PDIA6: variants seen among roughly 807,000 people sequenced by gnomAD.
PDIA6 encodes protein disulfide-isomerase A6.
Under a neutral mutation model 58.4 loss-of-function variants are expected in PDIA6, and 29 were observed. That is an observed-to-expected ratio of 0.50 (90% CI 0.37 to 0.68). The LOEUF is 0.68. PDIA6 is among the 30% of genes least tolerant of loss of function. The probability of loss-of-function intolerance (pLI) is 0.00; values close to 1 mark genes in which losing one functional copy is unlikely to be tolerated. For synonymous variants in PDIA6, 192 were observed against 202.6 expected (o/e 0.95, Z 0.44); for missense variants, 480 against 551.0 (o/e 0.87, Z 1.29).
At chr2:10,784,472 G>A (rs1273792869) in intron 12 of PDIA6, 146 bp from the exon 13 acceptor site, 4 of 589,730 alleles carry the variant, frequency 6.8e-6, no homozygotes, top group African/African-American at 5.6e-5. Context: ...CCTGACCTTC[G>A]TACCTATGAT....
chr2:10,818,924 AT>A (rs1667301632), intron 2 of PDIA6, among the ~76,000 whole-genome samples: 1 of 152,094 alleles, frequency 6.6e-6, no homozygotes. Flanking sequence ...CTGAAACTCT[AT>A]CCCCATTAAA....
chr2:10,822,326 G>A (rs1195570596), intron 1 of PDIA6, among the ~76,000 whole-genome samples: 12 of 151,956 alleles, frequency 7.9e-5, no homozygotes, highest in Non-Finnish European at 1.3e-4. Flanking sequence ...GCAGTGGCGC[G>A]ATCTAGGCTC....
chr2:10,833,218 T>G (rs757494042), upstream of PDIA6, among the ~76,000 whole-genome samples: 1 of 152,156 alleles, frequency 6.6e-6, no homozygotes, highest in East Asian at 1.9e-4. Flanking sequence ...GTGTGGCCTC[T>G]AGTCTCACTT....
rs761610101 is a variant in PDIA6, at chr2:10,797,139, C to T, written c.288G>A (p.Gln96=). 6.2e-6 allele frequency: 10 copies of T among 1,612,846 alleles called. No individual in the cohort carries two copies. The highest frequency in any genetic ancestry group is 8.5e-6 in the Non-Finnish European group (10 of 1,178,890). ...CAAAAATCTTAATGGTAGGAAATCC[C>T]TGAACACCATACTGACCTCCTAGGG... ...HHSLGGQYGV[Q]GFPTIKIFGS... is the part of the protein sequence containing the mutation. The change falls in exon 4 of 13, where the codon CAG becomes CAA. Residue 96 remains glutamine, a synonymous_variant. Coordinates refer to ENST00000272227, the MANE Select transcript of PDIA6 (RefSeq NM_005742.4).
intron 1 of PDIA6, among the ~76,000 whole-genome samples, chr2:10,825,825 A>G (rs974922159): frequency 6.6e-6 from 1 of 152,220 alleles, no homozygotes. Flanking sequence ...TCAGAGAATA[A>G]CAAGTGTTGG....
At chr2:10,827,359 A>G (rs1686488) in intron 1 of PDIA6, among the ~76,000 whole-genome samples, 111,591 of 151,948 alleles carry the variant, frequency 0.73, 42,029 homozygotes, top group African/African-American at 0.91. Context: ...CACCGCACCC[A>G]GCCTTATTTA....
At chr2:10,784,349 T>C (rs202128717) in intron 12 of PDIA6, 23 bp from the exon 13 acceptor site, 3 of 1,601,264 alleles carry the variant, frequency 1.9e-6, no homozygotes, top group South Asian at 2.2e-5. Context: ...AGAAAGCCAC[T>C]GTTAGATCTG....
intron 10 of PDIA6, among the ~76,000 whole-genome samples, chr2:10,788,019 T>C (rs1665856158): frequency 7.0e-6 from 1 of 142,332 alleles, no homozygotes; most frequent in Non-Finnish European, 1.5e-5. Flanking sequence ...TAAGCCGAGA[T>C]TGTGCCACTG....
intron 1 of PDIA6, among the ~76,000 whole-genome samples, chr2:10,820,081 A>C (rs1330402097): frequency 6.6e-6 from 1 of 152,188 alleles, no homozygotes; most frequent in Admixed American, 6.5e-5. Flanking sequence ...AAGTGGCCTC[A>C]TTGTCTGGGG....
At chr2:10,832,846 G>A (rs1446271448), upstream of PDIA6, among the ~76,000 whole-genome samples, 3 of 152,164 alleles carry the variant, frequency 2.0e-5, no homozygotes, top group Non-Finnish European at 4.4e-5. Context: ...AGGAGGCGGT[G>A]AGGATCACCT....
chr2:10,813,026 T>C (rs1057316203), upstream of PDIA6, among the ~76,000 whole-genome samples: 3 of 152,060 alleles, frequency 2.0e-5, no homozygotes, highest in Admixed American at 6.5e-5. Flanking sequence ...CCTCAGCTCC[T>C]CCGGGCCCTC....
At chr2:10,808,176 G>A (rs748592956) in intron 1 of PDIA6, among the ~76,000 whole-genome samples, 12 of 152,228 alleles carry the variant, frequency 7.9e-5, no homozygotes, top group African/African-American at 2.2e-4. Context: ...CTTTCTAGAA[G>A]GAGTATTCCA....
upstream of PDIA6, among the ~76,000 whole-genome samples, chr2:10,816,558 A>G (rs1667203589): frequency 7.1e-6 from 1 of 141,828 alleles, no homozygotes; most frequent in South Asian, 2.2e-4. Context: ...ACACTTTGGA[A>G]GCACACAATT....
intron 2 of PDIA6, among the ~76,000 whole-genome samples, chr2:10,818,133 G>A (rs1385466437): frequency 6.6e-6 from 1 of 151,662 alleles, no homozygotes; most frequent in African/African-American, 2.4e-5. Flanking sequence ...CTGATAAAAC[G>A]CACATAACAT....
intron 4 of PDIA6, among the ~76,000 whole-genome samples, chr2:10,794,507 C>A (rs1666183693): frequency 6.9e-6 from 1 of 145,948 alleles, no homozygotes; most frequent in Non-Finnish European, 1.5e-5. Flanking sequence ...TCTCAAACTC[C>A]TGTACTCAAG....
intron 1 of PDIA6, among the ~76,000 whole-genome samples, chr2:10,823,730 G>A (rs1411635208): frequency 2.1e-5 from 3 of 143,868 alleles, no homozygotes; most frequent in Non-Finnish European, 3.1e-5. Flanking sequence ...ATGTTGTGGT[G>A]TGTAGCCCAG....
At chr2:10,785,454 G>A (rs752457876) in intron 11 of PDIA6, among the ~76,000 whole-genome samples, 6 of 152,204 alleles carry the variant, frequency 3.9e-5, no homozygotes, top group Non-Finnish European at 8.8e-5. Context: ...AGAGCGGGGT[G>A]CGTATGTGCA....
At chr2:10,820,888 C>T (rs1281131536) in intron 1 of PDIA6, 3 of 702,754 alleles carry the variant, frequency 4.3e-6, no homozygotes, top group Middle Eastern at 2.3e-4. Context: ...ATCTTCTCTC[C>T]TCTGGAAGCT....
chr2:10,832,367 C>G (rs1667733404), exon 1 of PDIA6: 14 of 965,482 alleles, frequency 1.5e-5, no homozygotes, highest in Non-Finnish European at 1.7e-5. Context: ...AATGAGCAAA[C>G]TGCAGCTGCA....
Sources: gnomAD v4.1 joint callset for allele counts (sites outside exome capture counted in the v4.1 genomes callset) on GRCh38, gnomAD v4.1.1 for gene constraint, MANE v1.5 for transcripts, NCBI Gene and HGNC (gene_info 2026-07-23, HGNC 2026-07-21) for gene names.